FHIT: variants seen among roughly 807,000 people sequenced by gnomAD.
The protein encoded by FHIT is fragile histidine triad diadenosine triphosphatase.
In FHIT, 19 loss-of-function variants were observed where a neutral mutation model predicts 17.9. The ratio of observed to expected loss-of-function variants is 1.06; its 90% CI spans 0.74 to 1.56. The LOEUF (loss-of-function observed/expected upper bound fraction) is 1.56. Among genes scored for constraint, FHIT ranks in the 40% most tolerant of loss-of-function variants. The probability of loss-of-function intolerance (pLI) is 0.00; values close to 1 mark genes in which losing one functional copy is unlikely to be tolerated. For missense variants in FHIT, 248 were observed against 189.2 expected (o/e 1.31, Z -1.82); for synonymous variants, 81 against 69.7 (o/e 1.16, Z -0.81).
At chr3:61,232,100 G>C (rs1475257941) in intron 1 of FHIT, among the ~76,000 whole-genome samples, 2 of 152,168 alleles carry the variant, frequency 1.3e-5, no homozygotes, top group African/African-American at 4.8e-5. Flanking sequence ...ACATACAATG[G>C]GGGCCGGGCA....
At chr3:61,035,982 TG>T (rs538362699) in intron 3 of FHIT, among the ~76,000 whole-genome samples, 2 of 152,198 alleles carry the variant, frequency 1.3e-5, no homozygotes, top group South Asian at 2.1e-4. Flanking sequence ...AATTTAAAGC[TG>T]TATCTAAGTT....
chr3:59,968,995 A>G (rs930384851), intron 7 of FHIT, among the ~76,000 whole-genome samples: 2 of 152,180 alleles, frequency 1.3e-5, no homozygotes, highest in Non-Finnish European at 2.9e-5. Flanking sequence ...ATCACAGTCA[A>G]CTGCTCTAAT....
At chr3:60,583,821 C>T (rs1655481587) in intron 4 of FHIT, among the ~76,000 whole-genome samples, 1 of 151,986 alleles carries the variant, frequency 6.6e-6, no homozygotes, top group African/African-American at 2.4e-5. Context: ...CCCCAGATAC[C>T]ATCAGCTAGT....
chr3:60,861,337 T>C (rs1263498656), intron 3 of FHIT, among the ~76,000 whole-genome samples: 1 of 141,288 alleles, frequency 7.1e-6, no homozygotes, highest in Non-Finnish European at 1.5e-5. Context: ...GCAGTTAGCC[T>C]ACTTCAGGGT....
chr3:60,974,405 T>A (rs967734340), intron 3 of FHIT, among the ~76,000 whole-genome samples: 1 of 152,170 alleles, frequency 6.6e-6, no homozygotes, highest in Non-Finnish European at 1.5e-5. Flanking sequence ...TGAGACTCAG[T>A]ACTTGGATTT....
intron 5 of FHIT, among the ~76,000 whole-genome samples, chr3:60,140,722 G>C (rs1314903359): frequency 6.6e-6 from 1 of 151,976 alleles, no homozygotes; most frequent in African/African-American, 2.4e-5. Flanking sequence ...GGGACTACAG[G>C]TATGCACCAC....
At chr3:60,642,644 G>A (rs1246326219) in intron 4 of FHIT, among the ~76,000 whole-genome samples, 3 of 152,184 alleles carry the variant, frequency 2.0e-5, no homozygotes, top group Non-Finnish European at 4.4e-5. Flanking sequence ...CCATCACTCT[G>A]CGAAAGAGAA....
chr3:60,865,558 G>T (rs145358637), intron 3 of FHIT, among the ~76,000 whole-genome samples: 1 of 152,078 alleles, frequency 6.6e-6, no homozygotes, highest in Admixed American at 6.6e-5. Context: ...TTAATCGTTT[G>T]TATGTATTTC....
At chr3:59,773,255 G>A (rs534198658) in intron 8 of FHIT, among the ~76,000 whole-genome samples, 7 of 152,158 alleles carry the variant, frequency 4.6e-5, no homozygotes, top group East Asian at 1.9e-4. Context: ...TCACAGCCCC[G>A]GTGGGTGACC....
At chr3:60,994,424 G>A (rs2030501476) in intron 3 of FHIT, among the ~76,000 whole-genome samples, 1 of 152,192 alleles carries the variant, frequency 6.6e-6, no homozygotes, top group African/African-American at 2.4e-5. Context: ...AGAATGGAAA[G>A]AAGGAAGAAA....
chr3:61,007,202 C>G (rs771337348), intron 3 of FHIT, among the ~76,000 whole-genome samples: 2 of 152,156 alleles, frequency 1.3e-5, no homozygotes, highest in Non-Finnish European at 2.9e-5. Flanking sequence ...CTAAACAATT[C>G]TCTGTGCACT....
At chr3:60,510,449 C>G (rs888990681) in intron 5 of FHIT, among the ~76,000 whole-genome samples, 1 of 152,106 alleles carries the variant, frequency 6.6e-6, no homozygotes, top group Non-Finnish European at 1.5e-5. Flanking sequence ...ATTTCTAGGC[C>G]TTGAATTTGA....
intron 5 of FHIT, among the ~76,000 whole-genome samples, chr3:60,479,043 G>T (rs2033480791): frequency 1.3e-5 from 2 of 152,166 alleles, no homozygotes; most frequent in Admixed American, 1.3e-4. Flanking sequence ...CATTCATGAT[G>T]AAACTGTCAA....
At chr3:60,463,676 A>G (rs1318075427) in intron 5 of FHIT, among the ~76,000 whole-genome samples, 1 of 152,338 alleles carries the variant, frequency 6.6e-6, no homozygotes, top group East Asian at 1.9e-4. Context: ...AGGTTATAGC[A>G]TGCCCAGAGA....
At chr3:61,079,188 C>A (rs1327273751) in intron 2 of FHIT, among the ~76,000 whole-genome samples, 1 of 152,146 alleles carries the variant, frequency 6.6e-6, no homozygotes, top group East Asian at 1.9e-4. Context: ...GCAAGTTGTA[C>A]AACTGAGATT....
intron 8 of FHIT, among the ~76,000 whole-genome samples, chr3:59,888,370 A>G (rs1703715059): frequency 6.6e-6 from 1 of 152,236 alleles, no homozygotes; most frequent in African/African-American, 2.4e-5. Flanking sequence ...ATTGCATGTG[A>G]TACTGAAACT....
chr3:60,776,222 T>G (rs1310539088), intron 4 of FHIT, among the ~76,000 whole-genome samples: 1 of 152,164 alleles, frequency 6.6e-6, no homozygotes, highest in Non-Finnish European at 1.5e-5. Flanking sequence ...TAAGATTCAA[T>G]GTCTGCATGT....
chr3:60,342,537 T>A (rs755213409), intron 5 of FHIT, among the ~76,000 whole-genome samples: 2 of 152,248 alleles, frequency 1.3e-5, no homozygotes, highest in African/African-American at 4.8e-5. Context: ...AAGCTTTTAA[T>A]AGATTGAATA....
Position 60,055,445 on chromosome 3 carries a change from TTTC to T in FHIT, c.104-41296_104-41294del, listed in dbSNP as rs1232020273. ...AACTGACAAATGTATGGTGATGGAC[TTTC>T]TTTTTTTTTTTTTTTCCAATTCTCA... On this transcript the variant is annotated intron_variant, in intron 5 of 9. Transcript: ENST00000492590. 1.5e-3 allele frequency among the ~76,000 whole-genome samples: 177 copies of T among 120,404 alleles called. 1 individual carries two copies. Among genetic ancestry groups the T allele is most frequent in the Non-Finnish European group, 2.6e-3 (134 of 52,064 alleles). 79.0% of individuals were successfully genotyped at this position (120,404 alleles called of 152,430 possible).
Sources: gnomAD v4.1 joint callset for allele counts (sites outside exome capture counted in the v4.1 genomes callset) on GRCh38, gnomAD v4.1.1 for gene constraint, MANE v1.5 for transcripts, NCBI Gene and HGNC (gene_info 2026-07-23, HGNC 2026-07-21) for gene names.